Variants in DYNC1LI1 observed in about 807,000 individuals in gnomAD.
The protein encoded by DYNC1LI1 is dynein cytoplasmic 1 light intermediate chain 1, also known as cytoplasmic dynein 1 light intermediate chain 1.
DYNC1LI1 carries 19 observed loss-of-function variants against 63.8 expected under a neutral mutation model. The ratio of observed to expected loss-of-function variants is 0.30; its 90% CI spans 0.21 to 0.44. The LOEUF (loss-of-function observed/expected upper bound fraction) is 0.44, where lower values mean the gene tolerates loss of function less well. Ranked by LOEUF, DYNC1LI1 falls within the 20% of genes least tolerant of loss-of-function variation. The pLI, the probability that DYNC1LI1 is intolerant of heterozygous loss-of-function variation, is 1.00. For synonymous variants in DYNC1LI1, 225 were observed against 232.3 expected (o/e 0.97, Z 0.28); for missense variants, 565 against 630.2 (o/e 0.90, Z 1.11).
chr3:32,567,000 T>C (rs1698269030), intron 2 of DYNC1LI1, among the ~76,000 whole-genome samples: 1 of 152,210 alleles, frequency 6.6e-6, no homozygotes, highest in South Asian at 2.1e-4. Flanking sequence ...GCAGATTAAA[T>C]GATTACTTAA....
chr3:32,538,048 A>AT (rs372614188), intron 5 of DYNC1LI1, among the ~76,000 whole-genome samples: 21,652 of 34,672 alleles, frequency 0.62, 8,138 homozygotes, highest in South Asian at 0.78. Flanking sequence ...TATATATATA[A>AT]TTATATATAT....
At position 32,563,289 on chromosome 3, in the gene DYNC1LI1, C is replaced by CTT. The variant is rs1292071061; in HGVS notation, c.220+7055_220+7056dup. ...AAAAAGGTTAGTCCATGGTCACTTA[C>CTT]TTTTTTTTTTTTTTTTTTTGAGATG... On this transcript the variant is annotated intron_variant, in intron 2 of 12. Transcript: ENST00000273130. 5.9e-4 allele frequency among the ~76,000 whole-genome samples: 79 copies of CTT among 133,946 alleles called. 2 individuals are homozygous for CTT. The South Asian group carries it at 9.8e-3, about 17-fold the overall frequency. 87.9% of individuals were successfully genotyped at this position (133,946 alleles called of 152,430 possible). A position where few individuals can be genotyped will look rare whatever the true frequency, so the allele number is the denominator to read the frequency against.
chr3:32,529,714 A>G, intron 10 of DYNC1LI1, 54 bp from the exon 11 acceptor site: 1 of 1,467,548 alleles, frequency 6.8e-7, no homozygotes, highest in South Asian at 1.3e-5. Context: ...TCATTTTCAC[A>G]AAAGTTATTA....
At chr3:32,538,024 T>TA (rs1553617945) in intron 5 of DYNC1LI1, among the ~76,000 whole-genome samples, 3 of 13,008 alleles carry the variant, frequency 2.3e-4, no homozygotes, top group Admixed American at 1.7e-3. Context: ...TATATATAAT[T>TA]TATATATATA....
chr3:32,527,718 A>G (rs1054062172), intron 12 of DYNC1LI1, among the ~76,000 whole-genome samples: 3 of 152,360 alleles, frequency 2.0e-5, no homozygotes, highest in South Asian at 4.1e-4. Context: ...TCAAAGCAGC[A>G]CCATATTAAT....
At chr3:32,568,866 G>A (rs145833368) in intron 2 of DYNC1LI1, among the ~76,000 whole-genome samples, 1 of 152,130 alleles carries the variant, frequency 6.6e-6, no homozygotes, top group Non-Finnish European at 1.5e-5. Flanking sequence ...CCTTAGAAAT[G>A]AGTAGTAATT....
At chr3:32,551,181 C>A (rs1453167429) in intron 2 of DYNC1LI1, among the ~76,000 whole-genome samples, 1 of 152,064 alleles carries the variant, frequency 6.6e-6, no homozygotes, top group East Asian at 1.9e-4. Context: ...AGATATGCAA[C>A]AAATCAGGAA....
intron 2 of DYNC1LI1, among the ~76,000 whole-genome samples, chr3:32,554,830 A>C (rs1324349929): frequency 6.7e-6 from 1 of 149,960 alleles, no homozygotes; most frequent in Non-Finnish European, 1.5e-5. Context: ...TCATTTATCA[A>C]CTTTAATAAC....
Position 32,526,076 on chromosome 3 carries a change from T to C in DYNC1LI1, c.*723A>G, listed in dbSNP as rs1697612006. The C allele has an allele frequency of 6.6e-6, 1 of 152,572 alleles. No homozygotes were observed. The highest frequency in any genetic ancestry group is 1.9e-4 in the East Asian group (1 of 5,202). 9.5% of individuals were successfully genotyped at this position (152,572 alleles called of 1,614,324 possible). ...TAAGGCAAAGCCATATATATATATA[T>C]ATATGTATAGACAAATCCAAAGATT... On this transcript the variant is annotated 3_prime_UTR_variant, in exon 13 of 13. Coordinates refer to ENST00000273130, the MANE Select transcript of DYNC1LI1 (RefSeq NM_016141.4).
Position 32,530,346 on chromosome 3 carries a change from A to AG in DYNC1LI1, c.1141-19_1141-18insC, listed in dbSNP as rs1559433680. The AG allele has an allele frequency of 6.2e-7, 1 of 1,601,614 alleles. No individual in the cohort carries two copies. The highest frequency in any genetic ancestry group is 1.1e-5 in the South Asian group (1 of 88,058). On this transcript the variant is annotated intron_variant, in intron 9 of 12. Coordinates refer to ENST00000273130, the MANE Select transcript of DYNC1LI1 (RefSeq NM_016141.4). ...AAAAGGGACTGAAAAAAAAAAAAAA[A>AG]AAGAATCCTAGTTTAGACATTCATA...
At chr3:32,538,427 G>A (rs933569513) in intron 5 of DYNC1LI1, among the ~76,000 whole-genome samples, 10 of 151,864 alleles carry the variant, frequency 6.6e-5, no homozygotes, top group African/African-American at 9.7e-5. Flanking sequence ...AAGGCCAGGC[G>A]CGGTGGCTCA....
At chr3:32,557,938 T>C (rs1412144715) in intron 2 of DYNC1LI1, among the ~76,000 whole-genome samples, 1 of 152,262 alleles carries the variant, frequency 6.6e-6, no homozygotes, top group Admixed American at 6.5e-5. Flanking sequence ...TAGGTGATGA[T>C]GCTAAAATTA....
intron 5 of DYNC1LI1, among the ~76,000 whole-genome samples, chr3:32,537,961 AATATATATAT>A (rs1697807375): frequency 1.3e-4 from 1 of 7,536 alleles, no homozygotes; most frequent in African/African-American, 4.1e-4. Context: ...TTATATATAT[AATATATATAT>A]ATTTATATAT....
At chr3:32,536,578 C>T (rs1697776931) in intron 6 of DYNC1LI1, among the ~76,000 whole-genome samples, 1 of 152,086 alleles carries the variant, frequency 6.6e-6, no homozygotes, top group South Asian at 2.1e-4. Context: ...TCTAGATAGG[C>T]AGAGCCAGAT....
At chr3:32,537,916 TTATATATATAATATATATATAA>T in intron 5 of DYNC1LI1, among the ~76,000 whole-genome samples, 1 of 35,850 alleles carries the variant, frequency 2.8e-5, no homozygotes, top group South Asian at 6.1e-4. Flanking sequence ...TATATATAAT[TTATATATATAATATATATATAA>T]TATATATATA....
At chr3:32,566,657 G>C (rs1374616220) in intron 2 of DYNC1LI1, 1 of 417,572 alleles carries the variant, frequency 2.4e-6, no homozygotes, top group African/African-American at 2.1e-5. Context: ...AGAATCGCTT[G>C]AACCTAGGAG....
chr3:32,545,629 G>A (rs190120082), intron 3 of DYNC1LI1: 106 of 503,336 alleles, frequency 2.1e-4, no homozygotes, highest in African/African-American at 2.0e-3. Context: ...TAGGAAAGAA[G>A]TATCTGCACA....
chr3:32,561,793 T>C (rs1046817789), intron 2 of DYNC1LI1, among the ~76,000 whole-genome samples: 3 of 151,934 alleles, frequency 2.0e-5, no homozygotes, highest in Non-Finnish European at 2.9e-5. Context: ...TACCAATCCA[T>C]TATAATTATG....
chr3:32,536,949 C>T (rs939411068), intron 6 of DYNC1LI1, 62 bp downstream of exon 6: 2 of 947,842 alleles, frequency 2.1e-6, no homozygotes, highest in Non-Finnish European at 3.2e-6. Flanking sequence ...ATTCTTTTAA[C>T]TTTAAAAAAC....
Sources: gnomAD v4.1 joint callset for allele counts (sites outside exome capture counted in the v4.1 genomes callset) on GRCh38, gnomAD v4.1.1 for gene constraint, MANE v1.5 for transcripts, NCBI Gene and HGNC (gene_info 2026-07-23, HGNC 2026-07-21) for gene names.